The following DPYD variants were observed in gnomAD, a reference collection of about 807,000 sequenced individuals.
The protein encoded by DPYD is dihydropyrimidine dehydrogenase [NADP(+)].
Under a neutral mutation model 116.2 loss-of-function variants are expected in DPYD, and 109 were observed. The observed-to-expected ratio is 0.94, with a 90% CI of 0.80 to 1.10. DPYD has a LOEUF of 1.10. Ranked by LOEUF, DPYD falls within the 50% of genes least tolerant of loss-of-function variation. DPYD has a pLI of 0.00. For missense variants in DPYD, 1,302 were observed against 1,254.5 expected, an observed-to-expected ratio of 1.04 and a Z score of -0.57; for synonymous variants, 440 against 432.0, an observed-to-expected ratio of 1.02 and a Z score of -0.23.
At chr1:97,439,973 G>T (rs946745905) in intron 14 of DPYD, among the ~76,000 whole-genome samples, 2 of 151,536 alleles carry the variant, frequency 1.3e-5, no homozygotes, top group Non-Finnish European at 2.9e-5. Flanking sequence ...TGATCCAAGG[G>T]TTATTTAGAA....
At chr1:97,393,256 A>G (rs992136245) in intron 14 of DPYD, among the ~76,000 whole-genome samples, 1 of 151,808 alleles carries the variant, frequency 6.6e-6, no homozygotes. Context: ...TTGAACACTT[A>G]GAGGCCATTG....
At chr1:97,861,993 A>G (rs973385066) in intron 2 of DPYD, among the ~76,000 whole-genome samples, 8 of 151,956 alleles carry the variant, frequency 5.3e-5, no homozygotes, top group Non-Finnish European at 1.2e-4. Context: ...GAAATGCAAA[A>G]CAATGAAAAT....
intron 16 of DPYD, among the ~76,000 whole-genome samples, chr1:97,351,748 G>C (rs923392381): frequency 6.6e-6 from 1 of 152,070 alleles, no homozygotes; most frequent in African/African-American, 2.4e-5. Flanking sequence ...AAAATCAAAC[G>C]TGTTTCAGGA....
chr1:97,848,139 C>T (rs1199958261), intron 2 of DPYD, among the ~76,000 whole-genome samples: 1 of 152,192 alleles, frequency 6.6e-6, no homozygotes, highest in Non-Finnish European at 1.5e-5. Flanking sequence ...GCTCTATCAC[C>T]CAGGCTGGAG....
chr1:97,829,216 C>A (rs1207381403), intron 2 of DPYD, among the ~76,000 whole-genome samples: 1 of 151,606 alleles, frequency 6.6e-6, no homozygotes, highest in Non-Finnish European at 1.5e-5. Flanking sequence ...GAATAAGTAT[C>A]CTGAATTTTA....
intron 16 of DPYD, among the ~76,000 whole-genome samples, chr1:97,314,458 T>A (rs1191550934): frequency 6.6e-6 from 1 of 151,362 alleles, no homozygotes; most frequent in African/African-American, 2.4e-5. Context: ...TTAGTGTCAA[T>A]GCTCCCCATT....
chr1:97,127,712 A>C (rs527597643), intron 20 of DPYD, among the ~76,000 whole-genome samples: 1 of 152,232 alleles, frequency 6.6e-6, no homozygotes, highest in African/African-American at 2.4e-5. Context: ...TACTTGCTAC[A>C]GATTATATAT....
intron 4 of DPYD, 64 bp from the exon 5 acceptor site, chr1:97,721,735 G>A (rs763731981): frequency 1.4e-4 from 205 of 1,471,176 alleles, no homozygotes; most frequent in Middle Eastern, 4.0e-4. Flanking sequence ...GCCAAATTAC[G>A]ACAAACATTA....
rs575658681 is a variant in DPYD at position 97,255,275 on chromosome 1, T to C, written c.2300-20281A>G. On this transcript the variant is annotated intron_variant, in intron 18 of 22. Transcript: ENST00000370192. The stretch of plus-strand genomic sequence containing the variant: ...ACAGCACTTCCTATATGACAAGCTC[T>C]AGTGTAAGTGTTATACAAATATTAA... 3.3e-5 allele frequency among the ~76,000 whole-genome samples: 5 copies of C among 152,310 alleles called. No homozygotes were observed. In the South Asian group the frequency reaches 6.2e-4, roughly 19 times the overall value.
chr1:97,585,385 C>T (rs941942928), intron 10 of DPYD, among the ~76,000 whole-genome samples: 6 of 152,106 alleles, frequency 3.9e-5, no homozygotes, highest in Admixed American at 6.5e-5. Context: ...GATGAGTTCA[C>T]GTGTAGTAGT....
chr1:97,662,200 C>T (rs1457819395), intron 8 of DPYD, among the ~76,000 whole-genome samples: 1 of 150,844 alleles, frequency 6.6e-6, no homozygotes, highest in East Asian at 2.0e-4. Flanking sequence ...TGGGGTTTCA[C>T]CATGTTAGCC....
intron 3 of DPYD, among the ~76,000 whole-genome samples, chr1:97,791,903 A>G (rs1667338401): frequency 6.6e-6 from 1 of 152,228 alleles, no homozygotes; most frequent in African/African-American, 2.4e-5. Flanking sequence ...TAATGGGTAA[A>G]AAAGAAAAAA....
chr1:97,667,217 T>G (rs1002735520), intron 8 of DPYD, among the ~76,000 whole-genome samples: 10 of 152,172 alleles, frequency 6.6e-5, no homozygotes, highest in Non-Finnish European at 1.2e-4. Context: ...ATAAGATATT[T>G]TGCTATCTCT....
intron 18 of DPYD, among the ~76,000 whole-genome samples, chr1:97,264,715 C>G (rs952485917): frequency 6.6e-6 from 1 of 152,050 alleles, no homozygotes; most frequent in Non-Finnish European, 1.5e-5. Context: ...AAATTGTGCT[C>G]AGATGGATCA....
At chr1:97,602,464 A>G (rs1433586444) in intron 8 of DPYD, among the ~76,000 whole-genome samples, 1 of 152,000 alleles carries the variant, frequency 6.6e-6, no homozygotes, top group Non-Finnish European at 1.5e-5. Flanking sequence ...CACATATGAA[A>G]TGAATTGAAT....
At chr1:97,764,105 A>C (rs1383513079) in intron 3 of DPYD, among the ~76,000 whole-genome samples, 2 of 152,068 alleles carry the variant, frequency 1.3e-5, no homozygotes, top group African/African-American at 4.8e-5. Flanking sequence ...GATAAAGAGG[A>C]AACAAGGGTC....
Position 97,079,855 on chromosome 1 carries a change from C to A in DPYD, c.2908-709G>T, listed in dbSNP as rs755273327. ...AGAAATTTTACAATTTTCCTTCCCC[C>A]GTCTTCCTCTATTCCCTCCCTCCCT... On this transcript the variant is annotated intron_variant, in intron 22 of 22. Coordinates refer to ENST00000370192, the MANE Select transcript of DPYD (RefSeq NM_000110.4). Among the ~76,000 whole-genome samples, 32 of 152,032 alleles carry A rather than the reference C, an allele frequency of 2.1e-4. 1 individual carries two copies. The highest frequency in any genetic ancestry group is 5.9e-4 in the Admixed American group (9 of 15,236).
chr1:97,828,174 T>C lies in DPYD; in HGVS notation c.173A>G (p.Asn58Ser). 1 of 1,613,508 alleles carries C rather than the reference T, an allele frequency of 6.2e-7. No homozygotes were observed. Among genetic ancestry groups the C allele is most frequent in the South Asian group, 1.1e-5 (1 of 91,082 alleles). ...NCFNCEKLEN[N>S]FDDIKHTTLG... ...AGTCGTGTGCTTGATGTCATCAAAA[T>C]TATTCTCCAGCTTCTCACAATTCTG... The change falls in exon 3 of 23, where the codon AAT (asparagine) becomes AGT (serine). Residue 58 changes from asparagine (N) to serine (S), a missense_variant. By Grantham distance (46) the Asn-to-Ser change is conservative. Coordinates refer to ENST00000370192, the MANE Select transcript of DPYD (RefSeq NM_000110.4).
Position 97,515,902 on chromosome 1 carries a change from G to A in DPYD, c.1564C>T (p.Pro522Ser). The change falls in exon 13 of 23, where the codon CCC becomes TCC. Residue 522 changes from proline (P) to serine (S), a missense_variant. Physicochemically the swap from Pro to Ser is moderately conservative, Grantham distance 74. Coordinates refer to ENST00000370192, the MANE Select transcript of DPYD (RefSeq NM_000110.4). ...AGATCAATAGGAGTGTAAAAGAGGG[G>A]TAGTTCAGGCTTGGCAGAAACGGAA... ...GASVSAKPEL[P>S]LFYTPIDLVD... is the part of the protein sequence containing the mutation. 6.2e-7 allele frequency: 1 copy of A among 1,612,806 alleles called. No individual in the cohort carries two copies. Among genetic ancestry groups the A allele is most frequent in the Non-Finnish European group, 8.5e-7 (1 of 1,179,180 alleles).
Sources: allele counts gnomAD v4.1 joint callset (sites outside exome capture counted in the v4.1 genomes callset), GRCh38; gene constraint gnomAD v4.1.1; transcripts MANE v1.5; gene names NCBI Gene and HGNC (gene_info 2026-07-23, HGNC 2026-07-21).